Variants in ZNF182 observed in about 807,000 individuals in gnomAD.
The protein encoded by ZNF182 is zinc finger protein 21 (KOX 14).
A neutral mutation model predicts 28.1 loss-of-function variants in ZNF182; 10 were observed. That is an observed-to-expected ratio of 0.36 (90% CI 0.22 to 0.60). ZNF182 has a LOEUF of 0.60. ZNF182 is among the 20% of genes least tolerant of loss of function. The pLI is 0.75. For synonymous variants in ZNF182, 156 were observed against 158.7 expected (o/e 0.98, Z 0.13); for missense variants, 352 against 453.2 (o/e 0.78, Z 2.03).
chrX:47,984,528 A>C (rs2058917263), intron 3 of ZNF182, among the ~76,000 whole-genome samples: 1 of 111,394 alleles, frequency 9.0e-6, no homozygotes, highest in South Asian at 3.7e-4. Context: ...GTCCATCAAC[A>C]GTAGAATGGG....
At chrX:47,980,820 G>GT (rs1556899013) in intron 5 of ZNF182, among the ~76,000 whole-genome samples, 2 of 111,919 alleles carry the variant, frequency 1.8e-5, no homozygotes, top group East Asian at 5.6e-4. Flanking sequence ...TAAATCTTTT[G>GT]TAACTATTTT....
chrX:48,003,868 A>T (rs1240240510), intron 1 of ZNF182, 41 bp downstream of exon 1: 3 of 106,860 alleles, frequency 2.8e-5, no homozygotes, highest in Non-Finnish European at 3.9e-5. Flanking sequence ...ACTCCCCATC[A>T]CTCAGCCCAC....
chrX:47,982,705 C>T (rs1410521459), intron 5 of ZNF182, among the ~76,000 whole-genome samples: 3 of 111,006 alleles, frequency 2.7e-5, no homozygotes, highest in South Asian at 3.8e-4. Flanking sequence ...CTCTTTCATA[C>T]GGGACAAAAG....
At chrX:47,980,347 T>C (rs1389273889) in intron 5 of ZNF182, among the ~76,000 whole-genome samples, 1 of 73,796 alleles carries the variant, frequency 1.4e-5, no homozygotes, top group Non-Finnish European at 2.8e-5. Context: ...TGCAAAGATA[T>C]AGTTAGATAG....
At position 47,975,224 on chromosome X, in the gene ZNF182, A is replaced by G. The variant is rs2058878105; in HGVS notation, c.*943T>C. 8.9e-6 allele frequency: 1 copy of G among 112,027 alleles called. No homozygotes were observed. The highest frequency in any genetic ancestry group is 1.9e-5 in the Non-Finnish European group (1 of 53,212). The allele number at this position is 112,027 out of a possible 1,213,427, so 9.2% of individuals were successfully genotyped here. A position where few individuals can be genotyped will look rare whatever the true frequency, so the allele number is the denominator to read the frequency against. ...TGTCTACCCAGGAGTAGGCTGTATG[A>G]ATATACCACAATTTAGGGAACCAGA... On this transcript the variant is annotated 3_prime_UTR_variant, in exon 6 of 6. Coordinates refer to ENST00000376943, the MANE Select transcript of ZNF182 (RefSeq NM_001007088.2).
chrX:47,986,588 G>A (rs1216485301), intron 3 of ZNF182, among the ~76,000 whole-genome samples: 1 of 112,012 alleles, frequency 8.9e-6, no homozygotes, highest in Non-Finnish European at 1.9e-5. Flanking sequence ...ATAAGGGGTA[G>A]ACTTATAATG....
Position 47,975,974 on chromosome X carries a change from C to T in ZNF182, c.*193G>A, listed in dbSNP as rs2058881781. 2.7e-6 allele frequency: 1 copy of T among 373,481 alleles called. No individual in the cohort carries two copies. Among genetic ancestry groups the T allele is most frequent in the African/African-American group, 2.6e-5 (1 of 38,028 alleles). 30.8% of individuals were successfully genotyped at this position (373,481 alleles called of 1,213,427 possible). A position where few individuals can be genotyped will look rare whatever the true frequency, so the allele number is the denominator to read the frequency against. ...CTCTCATTAGGGTTGCAGCTGTCTC[C>T]TAATTTTGTCAGATACAGAGATTAC... On this transcript the variant is annotated 3_prime_UTR_variant, in exon 6 of 6. Transcript: ENST00000376943.
chrX:47,976,558 T>G lies in ZNF182; in HGVS notation c.1472A>C (p.Glu491Ala). The change falls in exon 6 of 6, where the codon GAA becomes GCA. Residue 491 changes from glutamate to alanine, a missense_variant. By Grantham distance (107) the Glu-to-Ala change is moderately radical. Transcript: ENST00000376943. ...TTCATTACATTTATAGGGTTTTTCTTCTGTATGAGTTCTTTGATGTATAAT... is the reference window on the plus strand; with the variant it reads ...TTCATTACATTTATAGGGTTTTTCTGCTGTATGAGTTCTTTGATGTATAAT... ...YLIIHQRTHT[E>A]EKPYKCNECG... 1 of 1,207,535 alleles carries G rather than the reference T, an allele frequency of 8.3e-7. No homozygotes were observed. Among genetic ancestry groups the G allele is most frequent in the Non-Finnish European group, 1.1e-6 (1 of 894,118 alleles).
chrX:48,001,361 G>A (rs1470386208), intron 3 of ZNF182, among the ~76,000 whole-genome samples: 2 of 112,336 alleles, frequency 1.8e-5, no homozygotes, highest in African/African-American at 6.5e-5. Context: ...CAATAACAAA[G>A]AAACAACTAC....
intron 3 of ZNF182, chrX:47,988,659 T>G (rs1292071139): frequency 5.8e-6 from 2 of 344,282 alleles, no homozygotes; most frequent in Non-Finnish European, 1.0e-5. Context: ...ACTTTTTTTT[T>G]CTAAAGAAAA....
chrX:47,979,921 C>T (rs1383854226), intron 5 of ZNF182, among the ~76,000 whole-genome samples: 1 of 102,695 alleles, frequency 9.7e-6, no homozygotes, highest in Non-Finnish European at 2.0e-5. Context: ...GTATAAGTTT[C>T]ATCACTTTGC....
At chrX:48,000,067 C>T (rs12012969) in intron 3 of ZNF182, among the ~76,000 whole-genome samples, 3,630 of 109,552 alleles carry the variant, frequency 0.033, 156 homozygotes, top group African/African-American at 0.11. Context: ...ACCTGAGAGC[C>T]GGAGGTTGCA....
At chrX:48,003,013 G>C (rs1425754942) in intron 2 of ZNF182, among the ~76,000 whole-genome samples, 1 of 111,560 alleles carries the variant, frequency 9.0e-6, no homozygotes, top group African/African-American at 3.3e-5. Flanking sequence ...GACCCATAAG[G>C]GATTAATAAT....
At chrX:48,000,112 G>C (rs1482691117) in intron 3 of ZNF182, among the ~76,000 whole-genome samples, 1 of 110,197 alleles carries the variant, frequency 9.1e-6, no homozygotes, top group Non-Finnish European at 1.9e-5. Flanking sequence ...CTCCAGCCTG[G>C]GCAATAGAGC....
intron 5 of ZNF182, among the ~76,000 whole-genome samples, chrX:47,979,341 A>G (rs1353179595): frequency 9.0e-6 from 1 of 111,498 alleles, no homozygotes; most frequent in Non-Finnish European, 1.9e-5. Context: ...AATGCTCTCC[A>G]TGGGACCCAA....
intron 3 of ZNF182, among the ~76,000 whole-genome samples, chrX:47,989,389 A>G (rs2146466328): frequency 9.4e-6 from 1 of 106,836 alleles, no homozygotes; most frequent in South Asian, 4.3e-4. Context: ...ATGGCGCCAC[A>G]GCACTCCAGC....
intron 5 of ZNF182, 149 bp from the exon 6 acceptor site, chrX:47,977,946 T>C (rs1368798768): frequency 1.5e-4 from 76 of 497,445 alleles, no homozygotes; most frequent in Non-Finnish European, 2.2e-4. Context: ...TCTCACCTGC[T>C]GGTCTTTTTG....
In ZNF182 at chrX:47,976,109, G is replaced by A; in HGVS notation, c.*58C>T. 9.9e-7 allele frequency: 1 copy of A among 1,014,389 alleles called. No individual in the cohort carries two copies. Among genetic ancestry groups the A allele is most frequent in the Non-Finnish European group, 1.3e-6 (1 of 769,327 alleles). The allele number at this position is 1,014,389 out of a possible 1,213,427, so 83.6% of individuals were successfully genotyped here. ...AAGTCAAAATATACTTTTAAAATGTGAGTAAAATTGACACAACTTTCTTTC... is the reference window on the plus strand; with the variant it reads ...AAGTCAAAATATACTTTTAAAATGTAAGTAAAATTGACACAACTTTCTTTC... On this transcript the variant is annotated 3_prime_UTR_variant, in exon 6 of 6. Transcript: ENST00000376943.
At chrX:47,984,661 G>C (rs550035674) in intron 3 of ZNF182, among the ~76,000 whole-genome samples, 1 of 111,350 alleles carries the variant, frequency 9.0e-6, no homozygotes, top group South Asian at 3.7e-4. Context: ...TTTAACCTTG[G>C]GTTAGACAAA....
Sources: gnomAD v4.1 joint callset for allele counts (sites outside exome capture counted in the v4.1 genomes callset) on GRCh38, gnomAD v4.1.1 for gene constraint, MANE v1.5 for transcripts, NCBI Gene and HGNC (gene_info 2026-07-23, HGNC 2026-07-21) for gene names.